The following DGKB variants were observed in gnomAD, a reference collection of about 807,000 sequenced individuals.
DGKB encodes the protein diacylglycerol kinase beta, also known as 90 kDa diacylglycerol kinase.
DGKB carries 67 observed loss-of-function variants against 114.3 expected under a neutral mutation model. The observed-to-expected ratio is 0.59, with a 90% CI of 0.48 to 0.72. The LOEUF (loss-of-function observed/expected upper bound fraction) is 0.72, where lower values mean the gene tolerates loss of function less well. Among genes scored for constraint, DGKB ranks in the 30% least tolerant of loss-of-function variants. The pLI is 0.00. For synonymous variants in DGKB, 398 were observed against 323.1 expected (o/e 1.23, Z -2.49); for missense variants, 907 against 975.2 (o/e 0.93, Z 0.93).
At chr7:14,487,418 A>C (rs1200991969) in intron 20 of DGKB, among the ~76,000 whole-genome samples, 1 of 152,160 alleles carries the variant, frequency 6.6e-6, no homozygotes, top group Non-Finnish European at 1.5e-5. Context: ...CAATAAGCAT[A>C]AAAGGAGCTG....
At chr7:14,588,800 G>C (rs149966876) in intron 17 of DGKB, among the ~76,000 whole-genome samples, 2 of 151,848 alleles carry the variant, frequency 1.3e-5, no homozygotes, top group East Asian at 3.9e-4. Context: ...CCATACTCTC[G>C]CAATTACTAC....
chr7:14,923,983 C>CAAAAAAAAAAAAAAAAAAAAAAAAAA (rs56032330), intron 1 of DGKB, among the ~76,000 whole-genome samples: 32 of 76,162 alleles, frequency 4.2e-4, no homozygotes, highest in African/African-American at 2.1e-3. Context: ...AGCTCCATCT[C>CAAAAAAAAAAAAAAAAAAAAAAAAAA]AAAAAAAAAA....
At chr7:14,206,861 C>A (rs1301497100) in intron 23 of DGKB, among the ~76,000 whole-genome samples, 1 of 151,914 alleles carries the variant, frequency 6.6e-6, no homozygotes, top group Non-Finnish European at 1.5e-5. Context: ...GTGAGCCAAT[C>A]TCTGATAGGC....
intron 20 of DGKB, among the ~76,000 whole-genome samples, chr7:14,565,604 G>A (rs1350588921): frequency 6.6e-6 from 1 of 151,972 alleles, no homozygotes; most frequent in South Asian, 2.1e-4. Flanking sequence ...AAATAATTAA[G>A]CCCATCTCAG....
intron 19 of DGKB, among the ~76,000 whole-genome samples, chr7:14,574,721 C>G (rs1355432161): frequency 6.6e-6 from 1 of 152,110 alleles, no homozygotes; most frequent in Non-Finnish European, 1.5e-5. Flanking sequence ...GGGCAGCTGA[C>G]TTCACAAAGA....
At position 14,685,338 on chromosome 7, in the gene DGKB, C is replaced by T. The variant is rs751564836; in HGVS notation, c.736G>A (p.Val246Met). The T allele has an allele frequency of 3.7e-6, 6 of 1,613,632 alleles. No homozygotes were observed. The highest frequency in any genetic ancestry group is 3.3e-5 in the South Asian group (3 of 91,070). ...ENNVKDDGQH[V>M]WRLKHFNKPA... ...TTGTTAAAGTGCTTCAGTCGCCACA[C>T]GTGCTGTCCATCATCCTTCACGTTC... The change falls in exon 10 of 26, where the codon GTG becomes ATG. Residue 246 changes from valine to methionine, a missense_variant. Physicochemically the swap from Val to Met is conservative, Grantham distance 21 (BLOSUM62 1). This residue lies in a region of DGKB where 814 missense variants were observed against 856.6 expected (regional missense o/e 0.95). Coordinates refer to ENST00000402815, the MANE Select transcript of DGKB (RefSeq NM_001350709.2).
At chr7:14,321,654 C>T (rs1042468609) in intron 23 of DGKB, among the ~76,000 whole-genome samples, 6 of 149,132 alleles carry the variant, frequency 4.0e-5, no homozygotes, top group African/African-American at 1.5e-4. Context: ...AAGGAATGAA[C>T]CATCATCATT....
chr7:14,682,375 G>T (rs910217088), intron 12 of DGKB, among the ~76,000 whole-genome samples, 178 bp downstream of exon 12: 30 of 152,002 alleles, frequency 2.0e-4, no homozygotes, highest in African/African-American at 6.0e-4. Context: ...GGACTCTATG[G>T]GGACAAATCT....
intron 1 of DGKB, among the ~76,000 whole-genome samples, chr7:14,898,627 C>T (rs538591502): frequency 1.3e-5 from 2 of 152,142 alleles, no homozygotes; most frequent in South Asian, 2.1e-4. Context: ...GATTTTAGCA[C>T]CACATTCAAA....
chr7:14,598,483 C>T (rs1274859229), intron 17 of DGKB, among the ~76,000 whole-genome samples: 1 of 152,174 alleles, frequency 6.6e-6, no homozygotes, highest in African/African-American at 2.4e-5. Flanking sequence ...AGCAGATGCT[C>T]ATGTTTCTTC....
At chr7:14,913,125 G>C (rs911808452) in intron 1 of DGKB, among the ~76,000 whole-genome samples, 1 of 152,014 alleles carries the variant, frequency 6.6e-6, no homozygotes, top group Non-Finnish European at 1.5e-5. Flanking sequence ...GTGGATCAGT[G>C]AGTCTTCATA....
intron 12 of DGKB, among the ~76,000 whole-genome samples, chr7:14,676,509 A>G (rs1367373824): frequency 6.6e-6 from 1 of 152,110 alleles, no homozygotes; most frequent in Non-Finnish European, 1.5e-5. Flanking sequence ...TTCACATTGC[A>G]TGCCTGTATC....
At chr7:14,875,206 G>A (rs1161654960) in intron 1 of DGKB, among the ~76,000 whole-genome samples, 1 of 151,994 alleles carries the variant, frequency 6.6e-6, no homozygotes, top group African/African-American at 2.4e-5. Context: ...TGATTATGAA[G>A]AAATGAAGCT....
chr7:14,268,606 AG>A (rs2128426804), intron 23 of DGKB, among the ~76,000 whole-genome samples: 1 of 152,304 alleles, frequency 6.6e-6, no homozygotes, highest in African/African-American at 2.4e-5. Flanking sequence ...AATGAATAAA[AG>A]AAATATGTTA....
At chr7:14,308,525 T>C (rs1172448743) in intron 23 of DGKB, among the ~76,000 whole-genome samples, 1 of 152,174 alleles carries the variant, frequency 6.6e-6, no homozygotes, top group Non-Finnish European at 1.5e-5. Context: ...AATTTTATAA[T>C]AGAGAAAGTA....
chr7:14,904,887 T>C (rs144728319), upstream of DGKB, among the ~76,000 whole-genome samples: 336 of 152,244 alleles, frequency 2.2e-3, 9 homozygotes, highest in East Asian at 0.062. Context: ...CTCTAGCACA[T>C]AGAAATACAT....
rs993748123 is a variant in DGKB, at chr7:14,750,801, T to C, written c.168+3127A>G. Among the ~76,000 whole-genome samples the C allele has an allele frequency of 1.8e-4, 23 of 130,532 alleles. 1 individual carries two copies. The highest frequency in any genetic ancestry group is 5.1e-4 in the South Asian group (2 of 3,912). 85.6% of individuals were successfully genotyped at this position (130,532 alleles called of 152,430 possible). A position where few individuals can be genotyped will look rare whatever the true frequency, so the allele number is the denominator to read the frequency against. On this transcript the variant is annotated intron_variant, in intron 4 of 25. Transcript: ENST00000402815. ...AAAAGCTATTTCTATTTCTTTTTTT[T>C]TTTTTTTTTTTTTTTCTGAGACAGA...
At chr7:14,584,958 C>T (rs568024890) in intron 17 of DGKB, among the ~76,000 whole-genome samples, 6 of 152,138 alleles carry the variant, frequency 3.9e-5, no homozygotes, top group South Asian at 2.1e-4. Flanking sequence ...CCTTGCCGGG[C>T]GAGATGTCTT....
At chr7:14,947,356 A>G (rs954745826) in intron 1 of DGKB, among the ~76,000 whole-genome samples, 3 of 151,696 alleles carry the variant, frequency 2.0e-5, no homozygotes, top group African/African-American at 7.2e-5. Flanking sequence ...CTTTTAATTT[A>G]TGTTTCTGGC....
Sources: allele counts gnomAD v4.1 joint callset (sites outside exome capture counted in the v4.1 genomes callset), GRCh38; gene constraint gnomAD v4.1.1; regional missense constraint gnomAD v4.1.1; transcripts MANE v1.5; gene names NCBI Gene and HGNC (gene_info 2026-07-23, HGNC 2026-07-21).